Variants in ASTN2 observed in about 807,000 individuals in gnomAD.
ASTN2 encodes the protein astrotactin 2.
In ASTN2, 54 loss-of-function variants were observed where a neutral mutation model predicts 139.8. The ratio of observed to expected loss-of-function variants is 0.39; its 90% CI spans 0.31 to 0.48. The LOEUF is 0.48. ASTN2 is among the 20% of genes least tolerant of loss of function. The pLI, the probability that ASTN2 is intolerant of heterozygous loss-of-function variation, is 0.95. For synonymous variants in ASTN2, 756 were observed against 719.5 expected (o/e 1.05, Z -0.81); for missense variants, 1,565 against 1,725.1 (o/e 0.91, Z 1.64).
At chr9:116,568,317 A>T (rs1853337511) in intron 19 of ASTN2, 1 of 152,242 alleles carries the variant, frequency 6.6e-6, no homozygotes, top group Non-Finnish European at 1.5e-5. Context: ...TAGTGAGCTC[A>T]TCACATGGAA....
chr9:117,230,288 A>G (rs1172445163), intron 2 of ASTN2, among the ~76,000 whole-genome samples: 3 of 151,898 alleles, frequency 2.0e-5, no homozygotes, highest in Non-Finnish European at 4.4e-5. Flanking sequence ...AGCAGGGCCA[A>G]GCTCCCTCCA....
intron 17 of ASTN2, among the ~76,000 whole-genome samples, chr9:116,638,925 T>A (rs1057208500): frequency 1.3e-5 from 2 of 152,210 alleles, no homozygotes; most frequent in African/African-American, 4.8e-5. Flanking sequence ...TTTTGAGTGT[T>A]TATGTTTAAG....
At chr9:117,327,348 A>G (rs1176346882) in intron 1 of ASTN2, among the ~76,000 whole-genome samples, 1 of 152,178 alleles carries the variant, frequency 6.6e-6, no homozygotes, top group Non-Finnish European at 1.5e-5. Flanking sequence ...ATGACAACCT[A>G]CAGCAGCACC....
intron 6 of ASTN2, among the ~76,000 whole-genome samples, chr9:117,018,915 G>A (rs1173309405): frequency 2.0e-5 from 3 of 152,090 alleles, no homozygotes; most frequent in Admixed American, 1.3e-4. Context: ...GAGGTTAACT[G>A]TACATGTCCT....
In ASTN2 at chr9:117,333,286, GC is replaced by G. The variant is rs1828774153; in HGVS notation, c.443-41774del. ...AGAATGATTCTGTGAGGTGTGCATG[GC>G]CGCTCTCATCTCACAAATGAGGAAA... On this transcript the variant is annotated intron_variant, in intron 1 of 22. Transcript: ENST00000313400. Among the ~76,000 whole-genome samples the G allele has an allele frequency of 4.6e-5, 7 of 152,246 alleles. No individual in the cohort carries two copies. The South Asian group carries it at 1.2e-3, about 27-fold the overall frequency.
chr9:116,648,812 T>C (rs1485239020), intron 17 of ASTN2, among the ~76,000 whole-genome samples: 1 of 152,076 alleles, frequency 6.6e-6, no homozygotes, highest in Non-Finnish European at 1.5e-5. Flanking sequence ...GGCGAGCAGA[T>C]TGCTTCAGGT....
chr9:117,268,436 C>A (rs1833985397), intron 2 of ASTN2, among the ~76,000 whole-genome samples: 2 of 152,134 alleles, frequency 1.3e-5, no homozygotes, highest in South Asian at 4.1e-4. Context: ...AAGGCCTGAA[C>A]CAACGTTTTC....
At chr9:116,466,010 C>T (rs191683593) in intron 20 of ASTN2, among the ~76,000 whole-genome samples, 1 of 152,298 alleles carries the variant, frequency 6.6e-6, no homozygotes, top group Admixed American at 6.5e-5. Flanking sequence ...ATGAACACAT[C>T]CCTGACACCT....
chr9:116,951,205 C>T lies in ASTN2; in HGVS notation c.1889+24003G>A, dbSNP rs541153550. Among the ~76,000 whole-genome samples the T allele has an allele frequency of 9.9e-4, 150 of 151,932 alleles. 2 individuals are homozygous for T. The highest frequency in any genetic ancestry group is 5.2e-3 in the South Asian group (25 of 4,792). On this transcript the variant is annotated intron_variant, in intron 10 of 22. Transcript: ENST00000313400. ...ATACAAAATTAGCTTGGCATGGTGG[C>T]GCACGCCTGTAATCCCAGCTACTTG...
rs369068356 is a variant in ASTN2 at position 117,325,983 on chromosome 9, C to A, written c.443-34470G>T. On this transcript the variant is annotated intron_variant, in intron 1 of 22. Coordinates refer to ENST00000313400, the MANE Select transcript of ASTN2 (RefSeq NM_001365068.1). ...ACTGACACTTGGCCTTAGGGAGTTA[C>A]CCTGAGGGAGGGGTGGGGCATTCTC... 5.9e-5 allele frequency among the ~76,000 whole-genome samples: 9 copies of A among 152,142 alleles called. No individual in the cohort carries two copies. In the East Asian group the frequency reaches 1.6e-3, roughly 26 times the overall value.
At chr9:116,693,139 C>G (rs1860657316) in intron 16 of ASTN2, among the ~76,000 whole-genome samples, 2 of 152,068 alleles carry the variant, frequency 1.3e-5, no homozygotes, top group South Asian at 4.1e-4. Context: ...AATGCTGTTT[C>G]TGGTTATTAT....
rs756049046 is a variant in ASTN2 at position 116,698,537 on chromosome 9, C to G, written c.2806+27234G>C. On this transcript the variant is annotated intron_variant, in intron 16 of 22. Coordinates refer to ENST00000313400, the MANE Select transcript of ASTN2 (RefSeq NM_001365068.1). The surrounding 1 kb of genome is among the most constrained non-coding windows in gnomAD (Gnocchi z 4.4). The stretch of plus-strand genomic sequence containing the variant: ...CAGCTGATGAGGAGGAGCCAGAGCT[C>G]ACTGCCAGCTTGCCTCGGGAGCTCA... The G allele has an allele frequency of 5.0e-6, 8 of 1,613,752 alleles. No homozygotes were observed. In the Admixed American group the frequency reaches 1.2e-4, roughly 24 times the overall value.
intron 11 of ASTN2, among the ~76,000 whole-genome samples, chr9:116,827,313 CAAAAA>C (rs141242698): frequency 8.8e-5 from 7 of 79,478 alleles, no homozygotes; most frequent in African/African-American, 3.0e-4. Context: ...CCATCCCCCC[CAAAAA>C]AAAAAAAAAA....
chr9:117,190,471 C>A (rs1469661933), intron 3 of ASTN2, among the ~76,000 whole-genome samples: 1 of 152,146 alleles, frequency 6.6e-6, no homozygotes, highest in Non-Finnish European at 1.5e-5. Context: ...ACCACCTTTG[C>A]AAAAATTCAT....
intron 20 of ASTN2, among the ~76,000 whole-genome samples, chr9:116,454,215 A>G (rs1309497795): frequency 1.3e-5 from 2 of 152,232 alleles, no homozygotes; most frequent in Admixed American, 6.5e-5. Context: ...TCCCTTATAT[A>G]GATACAACAG....
At chr9:116,739,761 G>A (rs1354050407) in intron 13 of ASTN2, among the ~76,000 whole-genome samples, 1 of 152,178 alleles carries the variant, frequency 6.6e-6, no homozygotes, top group African/African-American at 2.4e-5. Context: ...CCTCCTCAGG[G>A]CCCAGCAGTG....
rs572955651 is a variant in ASTN2, at chr9:117,141,465, C to T, written c.1029G>A (p.Ala343=). 7.5e-5 allele frequency: 102 copies of T among 1,367,108 alleles called. 1 individual carries two copies. The East Asian group carries it at 2.8e-3, about 37-fold the overall frequency. The allele number at this position is 1,367,108 out of a possible 1,614,324, so 84.7% of individuals were successfully genotyped here. Residue 343 remains alanine, a synonymous_variant, in exon 4 of 23, where the codon GCG becomes GCA. Transcript: ENST00000313400. ...TCAGGGACTCCACTGTCTCCTGAGT[C>T]GCCTCAGCTGCTGCTATAAGGTAGC... The part of the protein sequence containing the change: ...VDFEKKAAAE[A]TQETVESLMQ...
At chr9:116,653,129 C>A (rs1432215830) in intron 16 of ASTN2, among the ~76,000 whole-genome samples, 1 of 152,232 alleles carries the variant, frequency 6.6e-6, no homozygotes, top group Non-Finnish European at 1.5e-5. Context: ...CCCATTCCTA[C>A]CCACTTTCAG....
intron 19 of ASTN2, among the ~76,000 whole-genome samples, chr9:116,586,839 C>CACAT (rs1554717139): frequency 1.3e-4 from 19 of 149,338 alleles, no homozygotes; most frequent in African/African-American, 4.2e-4. Flanking sequence ...CATACACACA[C>CACAT]ACACACACAC....
Sources: gnomAD v4.1 joint callset for allele counts (sites outside exome capture counted in the v4.1 genomes callset) on GRCh38, gnomAD v4.1.1 for gene constraint, Gnocchi (gnomAD v3.1) non-coding constraint, MANE v1.5 for transcripts, NCBI Gene and HGNC (gene_info 2026-07-23, HGNC 2026-07-21) for gene names.